The following RHNO1 variants were observed in gnomAD, a reference collection of about 807,000 sequenced individuals.
RHNO1 encodes RAD9-HUS1-RAD1 interacting nuclear orphan 1.
RHNO1 carries 9 observed loss-of-function variants against 7.2 expected under a neutral mutation model. That is an observed-to-expected ratio of 1.25 (90% confidence interval 0.75 to 2.18). The LOEUF is 2.18. Ranked by LOEUF, RHNO1 falls within the 30% of genes most tolerant of loss-of-function variation. The pLI is 0.00. For synonymous variants in RHNO1, 95 were observed against 107.5 expected, an observed-to-expected ratio of 0.88 and a Z score of 0.72; for missense variants, 292 against 284.5, an observed-to-expected ratio of 1.03 and a Z score of -0.19.
Position 2,885,330 on chromosome 12 carries a change from A to T in RHNO1, c.-37A>T, listed in dbSNP as rs779958767. 6.3e-7 allele frequency: 1 copy of T among 1,593,446 alleles called. No individual in the cohort carries two copies. The highest frequency in any genetic ancestry group is 8.6e-7 in the Non-Finnish European group (1 of 1,168,904). On this transcript the variant is annotated 5_prime_UTR_variant, in exon 2 of 3. Transcript: ENST00000489288. ...ATCCCCCAACCCGAAGGCTAACAGC[A>T]TCATGTGGTTACTAACTGTTCCTCA...
At chr12:2,883,433 A>C (rs2098160800) in intron 1 of RHNO1, among the ~76,000 whole-genome samples, 1 of 141,810 alleles carries the variant, frequency 7.1e-6, no homozygotes, top group South Asian at 2.2e-4. Flanking sequence ...GTTAATGTTA[A>C]AGAATTTATA....
Position 2,883,520 on chromosome 12 carries a change from T to A in RHNO1, c.-84-1763T>A, listed in dbSNP as rs1321205016. Reference sequence around the variant, plus strand: ...ATATATATATATATATATTTTTTTTTTTTTTTTTTTTTTTGAGACGGAGTT... The same window carrying A: ...ATATATATATATATATATTTTTTTTATTTTTTTTTTTTTTGAGACGGAGTT... On this transcript the variant is annotated intron_variant, in intron 1 of 2. Transcript: ENST00000489288. Among the ~76,000 whole-genome samples, 28 of 92,270 alleles carry A rather than the reference T, an allele frequency of 3.0e-4. No individual in the cohort carries two copies. In the South Asian group the frequency reaches 4.2e-3, roughly 14 times the overall value. 60.5% of individuals were successfully genotyped at this position (92,270 alleles called of 152,430 possible).
At chr12:2,877,082 G>C (rs1425773742), upstream of RHNO1, 1 of 152,152 alleles carries the variant, frequency 6.6e-6, no homozygotes, top group African/African-American at 2.4e-5. Context: ...GATCCCGGGA[G>C]GGGAGGGGGT....
Position 2,877,231 on chromosome 12 carries a change from C to T in RHNO1, c.-136C>T, listed in dbSNP as rs1302008408. ...GCCGGCCTTGTCTCGGCATTCCGGG[C>T]TCGAAGGCTGTGCGGTCTGCCAGGA... On this transcript the variant is annotated 5_prime_UTR_variant, in exon 1 of 3. Transcript: ENST00000489288. The T allele has an allele frequency of 6.6e-6, 1 of 152,260 alleles. No individual in the cohort carries two copies. The highest frequency in any genetic ancestry group is 1.5e-5 in the Non-Finnish European group (1 of 68,066). The allele number at this position is 152,260 out of a possible 1,614,324, so 9.4% of individuals were successfully genotyped here. A position where few individuals can be genotyped will look rare whatever the true frequency, so the allele number is the denominator to read the frequency against.
intron 1 of RHNO1, among the ~76,000 whole-genome samples, chr12:2,879,134 G>C (rs945202642): frequency 6.6e-6 from 1 of 151,064 alleles, no homozygotes; most frequent in African/African-American, 2.4e-5. Flanking sequence ...TGAATGGCTG[G>C]GACCCCCTAC....
intron 1 of RHNO1, among the ~76,000 whole-genome samples, chr12:2,884,606 G>A (rs531237872): frequency 1.3e-5 from 2 of 150,534 alleles, no homozygotes; most frequent in African/African-American, 2.4e-5. Flanking sequence ...CAGGTGATCC[G>A]CCTGCCTCAG....
rs572086557 is a variant in RHNO1 at position 2,883,237 on chromosome 12, C to T, written c.-84-2046C>T. Among the ~76,000 whole-genome samples the T allele has an allele frequency of 1.3e-3, 193 of 150,236 alleles. 1 individual carries two copies. The highest frequency in any genetic ancestry group is 4.5e-3 in the African/African-American group (183 of 41,056). ...CTACAAAAATACGAAAATTAGCCAG[C>T]GCTGTGGCACGAGCTGTAGTCCCAG... On this transcript the variant is annotated intron_variant, in intron 1 of 2. Coordinates refer to ENST00000489288, the MANE Select transcript of RHNO1 (RefSeq NM_001252499.3).
rs190148363 is a variant in RHNO1 at position 2,879,810 on chromosome 12, T to A, written c.-85+2528T>A. 4.1e-3 allele frequency among the ~76,000 whole-genome samples: 628 copies of A among 151,734 alleles called. 14 individuals carry two copies. Among genetic ancestry groups the A allele is most frequent in the African/African-American group, 0.015 (602 of 41,264 alleles). On this transcript the variant is annotated intron_variant, in intron 1 of 2. Coordinates refer to ENST00000489288, the MANE Select transcript of RHNO1 (RefSeq NM_001252499.3). ...GTTTGCCTAAGAAAAGTATATAGAG[T>A]GAGAACAGCTCCAAAGCACAACCAG...
At chr12:2,881,859 C>T (rs1008058548) in intron 1 of RHNO1, among the ~76,000 whole-genome samples, 2 of 150,138 alleles carry the variant, frequency 1.3e-5, no homozygotes, top group African/African-American at 2.5e-5. Flanking sequence ...GAGCCAAGAT[C>T]GCGCCACTGT....
At chr12:2,876,325 T>C (rs1263818485), upstream of RHNO1, 1 of 152,184 alleles carries the variant, frequency 6.6e-6, no homozygotes, top group Non-Finnish European at 1.5e-5. Context: ...AATCAGTAGA[T>C]ATTATTCCTC....
intron 1 of RHNO1, among the ~76,000 whole-genome samples, chr12:2,879,120 C>T (rs936407676): frequency 3.3e-5 from 5 of 151,796 alleles, no homozygotes; most frequent in African/African-American, 1.2e-4. Flanking sequence ...CCACCTCAGC[C>T]TCCTGAATGG....
chr12:2,878,718 CAG>C (rs755111143), intron 1 of RHNO1, among the ~76,000 whole-genome samples: 2 of 151,520 alleles, frequency 1.3e-5, no homozygotes, highest in Admixed American at 6.6e-5. Context: ...AAGAAGGAGA[CAG>C]AGAGAGTAAA....
At chr12:2,887,795 A>T in intron 2 of RHNO1, 116 bp from the exon 3 acceptor site, 2 of 762,590 alleles carry the variant, frequency 2.6e-6, no homozygotes, top group South Asian at 2.3e-5. Context: ...CAGTTATTTT[A>T]GTTTTGTGTT....
At chr12:2,885,704 A>C in intron 2 of RHNO1, 170 bp downstream of exon 2, 1 of 553,256 alleles carries the variant, frequency 1.8e-6, no homozygotes, top group Non-Finnish European at 3.0e-6. Context: ...CCTCCCGAGG[A>C]GCTGGAACTA....
chr12:2,888,546 G>A lies in RHNO1; in HGVS notation c.*87G>A. ...TCCTAGGGTTTTTGTTTTTGTTTTTGAGATGTAATATTGCTCTGTTGCCCA... is the reference window on the plus strand; with the variant it reads ...TCCTAGGGTTTTTGTTTTTGTTTTTAAGATGTAATATTGCTCTGTTGCCCA... On this transcript the variant is annotated 3_prime_UTR_variant, in exon 3 of 3. Transcript: ENST00000489288. The A allele has an allele frequency of 8.2e-7, 1 of 1,215,526 alleles. No individual in the cohort carries two copies. The highest frequency in any genetic ancestry group is 1.1e-6 in the Non-Finnish European group (1 of 894,720). 75.3% of individuals were successfully genotyped at this position (1,215,526 alleles called of 1,614,324 possible).
intron 2 of RHNO1, chr12:2,886,912 C>T (rs1474006983): frequency 4.4e-6 from 2 of 453,892 alleles, no homozygotes; most frequent in Admixed American, 2.4e-5. Context: ...GCCAGGTCCT[C>T]TGCTAGTTCT....
rs1397405606 is a variant in RHNO1 at position 2,885,347 on chromosome 12, T to C, written c.-20T>C. 6.2e-7 allele frequency: 1 copy of C among 1,609,616 alleles called. No homozygotes were observed. Among genetic ancestry groups the C allele is most frequent in the East Asian group, 2.2e-5 (1 of 44,782 alleles). On this transcript the variant is annotated 5_prime_UTR_variant, in exon 2 of 3. Coordinates refer to ENST00000489288, the MANE Select transcript of RHNO1 (RefSeq NM_001252499.3). The stretch of plus-strand genomic sequence containing the variant: ...CTAACAGCATCATGTGGTTACTAAC[T>C]GTTCCTCATTCACCGGTTGATGCCT...
Position 2,888,366 on chromosome 12 carries a change from A to T in RHNO1, c.624A>T (p.Gly208=). 1.9e-6 allele frequency: 3 copies of T among 1,614,142 alleles called. No individual in the cohort carries two copies. The highest frequency in any genetic ancestry group is 2.5e-6 in the Non-Finnish European group (3 of 1,180,016). ...AAGACACCCCCGAGGACAAGTATGGAATAAAGGTCACATGGAGGAGACGAC... is the reference window on the plus strand; with the variant it reads ...AAGACACCCCCGAGGACAAGTATGGTATAAAGGTCACATGGAGGAGACGAC... ...LVKDTPEDKY[G]IKVTWRRRQH... The change falls in exon 3 of 3, where the codon GGA becomes GGT. Residue 208 remains glycine (G), a synonymous_variant. Transcript: ENST00000489288.
rs755337640 is a variant in RHNO1, at chr12:2,888,295, C to T, written c.553C>T (p.His185Tyr). ...KENSLLSCTL[H>Y]TGTPNSPEPG... is the part of the protein sequence containing the mutation. ...AAACAGCCTTCTAAGCTGCACTCTT[C>T]ACACTGGCACTCCTAATAGCCCAGA... Residue 185 changes from histidine (H) to tyrosine (Y), a missense_variant, in exon 3 of 3, where the codon CAC (histidine) becomes TAC (tyrosine). Coordinates refer to ENST00000489288, the MANE Select transcript of RHNO1 (RefSeq NM_001252499.3). The T allele has an allele frequency of 1.2e-6, 2 of 1,614,158 alleles. No individual in the cohort carries two copies. Among genetic ancestry groups the T allele is most frequent in the East Asian group, 4.5e-5 (2 of 44,880 alleles).
Sources: gnomAD v4.1 joint callset for allele counts (sites outside exome capture counted in the v4.1 genomes callset) on GRCh38, gnomAD v4.1.1 for gene constraint, MANE v1.5 for transcripts, NCBI Gene and HGNC (gene_info 2026-07-23, HGNC 2026-07-21) for gene names.